Variants in WWOX observed in about 807,000 individuals in gnomAD.
WWOX encodes WW domain containing oxidoreductase.
A neutral mutation model predicts 46.2 loss-of-function variants in WWOX; 69 were observed. The ratio of observed to expected loss-of-function variants is 1.49; its 90% confidence interval spans 1.23 to 1.82. The LOEUF is 1.82. WWOX is among the 40% of genes most tolerant of loss of function. WWOX has a pLI of 0.00. For missense variants in WWOX, 919 were observed against 542.6 expected (o/e 1.69, Z -6.89); for synonymous variants, 359 against 202.6 (o/e 1.77, Z -6.56).
intron 8 of WWOX, among the ~76,000 whole-genome samples, chr16:78,475,411 T>G (rs937365219): frequency 6.6e-6 from 1 of 152,168 alleles, no homozygotes; most frequent in Non-Finnish European, 1.5e-5. Flanking sequence ...CTGGGATTTG[T>G]AAATATTTTG....
chr16:78,960,732 G>A (rs1342622422), intron 8 of WWOX, among the ~76,000 whole-genome samples: 1 of 152,156 alleles, frequency 6.6e-6, no homozygotes, highest in Non-Finnish European at 1.5e-5. Flanking sequence ...GAGGTACACA[G>A]CACTTGTTCC....
intron 8 of WWOX, among the ~76,000 whole-genome samples, chr16:78,609,296 GC>G (rs1328575171): frequency 6.6e-6 from 1 of 151,968 alleles, no homozygotes; most frequent in Non-Finnish European, 1.5e-5. Flanking sequence ...TGTTTTTTAA[GC>G]TTTTCTTTGA....
Position 78,101,543 on chromosome 16 carries a change from A to T in WWOX, c.107+1658A>T, listed in dbSNP as rs527923350. On this transcript the variant is annotated intron_variant, in intron 1 of 8. Transcript: ENST00000566780. ...GCGCTGTTGGCCCGGCTGGTCTCCA[A>T]CTCCTGGCCTCAAGTGATCCGCCCA... Among the ~76,000 whole-genome samples the T allele has an allele frequency of 1.0e-4, 15 of 149,116 alleles. No homozygotes were observed. In the South Asian group the frequency reaches 3.2e-3, roughly 32 times the overall value.
At chr16:78,863,331 TC>T (rs2151194314) in intron 8 of WWOX, among the ~76,000 whole-genome samples, 2 of 152,340 alleles carry the variant, frequency 1.3e-5, no homozygotes, top group South Asian at 4.1e-4. Context: ...TATTTCTTTT[TC>T]AGAGTCATCT....
At chr16:79,089,441 T>C (rs1597364841) in intron 8 of WWOX, among the ~76,000 whole-genome samples, 1 of 151,806 alleles carries the variant, frequency 6.6e-6, no homozygotes, top group South Asian at 2.1e-4. Flanking sequence ...AAGCGATTCT[T>C]CTGCCTCAGC....
chr16:78,330,414 C>CG (rs1327651927), intron 5 of WWOX, among the ~76,000 whole-genome samples: 1 of 149,246 alleles, frequency 6.7e-6, no homozygotes, highest in East Asian at 2.0e-4. Flanking sequence ...TTTTTTTTTC[C>CG]CCTGAGAAAG....
intron 8 of WWOX, among the ~76,000 whole-genome samples, chr16:79,168,223 C>T (rs972495614): frequency 9.2e-5 from 14 of 152,142 alleles, no homozygotes; most frequent in Non-Finnish European, 1.2e-4. Flanking sequence ...GACATGTTCT[C>T]ACTTTTCTTG....
chr16:78,537,720 A>G (rs1340530849), intron 8 of WWOX, among the ~76,000 whole-genome samples: 2 of 152,104 alleles, frequency 1.3e-5, no homozygotes, highest in East Asian at 3.9e-4. Context: ...ATGTAGGGGT[A>G]GACCAGTGCT....
intron 8 of WWOX, among the ~76,000 whole-genome samples, chr16:78,499,612 G>A (rs1420716806): frequency 1.3e-5 from 2 of 152,196 alleles, no homozygotes; most frequent in African/African-American, 4.8e-5. Flanking sequence ...GGCTCTTAGT[G>A]TAGAGCACTA....
At chr16:78,202,719 C>T (rs2036270354) in intron 5 of WWOX, among the ~76,000 whole-genome samples, 3 of 152,014 alleles carry the variant, frequency 2.0e-5, no homozygotes, top group Admixed American at 1.3e-4. Flanking sequence ...AGTGTCCTCC[C>T]AGTTCTCTGT....
intron 8 of WWOX, among the ~76,000 whole-genome samples, chr16:78,722,982 C>T (rs1183101053): frequency 1.3e-5 from 2 of 152,022 alleles, no homozygotes; most frequent in African/African-American, 4.8e-5. Flanking sequence ...TTAGAGGCTG[C>T]AGTGAGCCAT....
chr16:78,248,481 A>G (rs2037886310), intron 5 of WWOX, among the ~76,000 whole-genome samples: 1 of 152,136 alleles, frequency 6.6e-6, no homozygotes, highest in Non-Finnish European at 1.5e-5. Context: ...ACACTCTGTA[A>G]TCCCAGCACT....
At chr16:78,893,037 C>T (rs1391318556) in intron 8 of WWOX, among the ~76,000 whole-genome samples, 1 of 152,110 alleles carries the variant, frequency 6.6e-6, no homozygotes, top group Non-Finnish European at 1.5e-5. Context: ...GAGCAGGGGT[C>T]CTCAAAGCAG....
At chr16:79,027,069 C>T (rs1012261591) in intron 8 of WWOX, among the ~76,000 whole-genome samples, 1 of 151,432 alleles carries the variant, frequency 6.6e-6, no homozygotes, top group Non-Finnish European at 1.5e-5. Flanking sequence ...CACGTGAGCC[C>T]AGCAGTTCAA....
At chr16:78,975,529 C>T (rs1017566419) in intron 8 of WWOX, among the ~76,000 whole-genome samples, 4 of 151,920 alleles carry the variant, frequency 2.6e-5, no homozygotes, top group African/African-American at 9.7e-5. Context: ...ATGGTCTTTG[C>T]CCATGAAATC....
intron 8 of WWOX, among the ~76,000 whole-genome samples, chr16:79,148,709 C>A (rs1399436469): frequency 6.6e-6 from 1 of 152,130 alleles, no homozygotes; most frequent in African/African-American, 2.4e-5. Flanking sequence ...AGTTTGTGGA[C>A]ATGGTATGTA....
chr16:79,157,647 A>C (rs956848855), intron 8 of WWOX, among the ~76,000 whole-genome samples: 2 of 152,238 alleles, frequency 1.3e-5, no homozygotes, highest in Non-Finnish European at 2.9e-5. Flanking sequence ...TGCTAAGACC[A>C]GCAGATCAGG....
intron 8 of WWOX, among the ~76,000 whole-genome samples, chr16:78,671,968 A>G (rs1453024361): frequency 6.6e-6 from 1 of 152,148 alleles, no homozygotes; most frequent in Non-Finnish European, 1.5e-5. Flanking sequence ...TGGAAAAAAT[A>G]TGATCCTTGG....
chr16:79,063,384 G>A (rs544733621), intron 8 of WWOX, among the ~76,000 whole-genome samples: 1 of 152,316 alleles, frequency 6.6e-6, no homozygotes, highest in East Asian at 1.9e-4. Flanking sequence ...ACAACAGGCT[G>A]AATGCTGTCC....
Sources: allele counts gnomAD v4.1 joint callset (sites outside exome capture counted in the v4.1 genomes callset), GRCh38; gene constraint gnomAD v4.1.1; transcripts MANE v1.5; gene names NCBI Gene and HGNC (gene_info 2026-07-23, HGNC 2026-07-21).